ARID1A: variants seen among roughly 807,000 people sequenced by gnomAD.
ARID1A encodes AT-rich interactive domain-containing protein 1A.
A neutral mutation model predicts 212.6 loss-of-function variants in ARID1A; 20 were observed. That is an observed-to-expected ratio of 0.09 (90% CI 0.07 to 0.14). ARID1A has a LOEUF of 0.14. Among genes scored for constraint, ARID1A ranks in the 10% least tolerant of loss-of-function variants. ARID1A has a pLI of 1.00. For missense variants in ARID1A, 2,587 were observed against 3,059.0 expected (o/e 0.85, Z 3.64); for synonymous variants, 1,376 against 1,222.1 (o/e 1.13, Z -2.63).
chr1:26,736,094 G>A (rs2080726738), intron 4 of ARID1A, among the ~76,000 whole-genome samples: 1 of 152,066 alleles, frequency 6.6e-6, no homozygotes, highest in Admixed American at 6.6e-5. Context: ...GGAGGCCAAG[G>A]CGGGCAGATC....
chr1:26,774,274 C>T lies in ARID1A; in HGVS notation c.4102-55C>T, dbSNP rs2081112840. On this transcript the variant is annotated intron_variant, in intron 17 of 19. Coordinates refer to ENST00000324856, the MANE Select transcript of ARID1A (RefSeq NM_006015.6). This position sits in a 1 kb window ranked among gnomAD's most constrained non-coding sequence, Gnocchi z 5.6. ...TTGTAGCCATCTTGGCATCTGTGGG[C>T]TTTATGTCCCTGAGTGCAGAGTATT... The T allele has an allele frequency of 2.6e-6, 4 of 1,510,048 alleles. No homozygotes were observed. The highest frequency in any genetic ancestry group is 2.7e-6 in the Non-Finnish European group (3 of 1,130,710). The allele number at this position is 1,510,048 out of a possible 1,614,324, so 93.5% of individuals were successfully genotyped here.
chr1:26,760,476 T>C (rs1457891613), intron 4 of ARID1A, among the ~76,000 whole-genome samples: 1 of 152,034 alleles, frequency 6.6e-6, no homozygotes, highest in African/African-American at 2.4e-5. Context: ...TCACCTGAGG[T>C]CGGGAGTTCA....
At chr1:26,726,246 C>T (rs1471422698) in intron 1 of ARID1A, among the ~76,000 whole-genome samples, 5 of 148,798 alleles carry the variant, frequency 3.4e-5, no homozygotes, top group Middle Eastern at 3.6e-3. Context: ...GATCTCGGCT[C>T]GCTTCAGTCT....
chr1:26,773,370 C>A lies in ARID1A; in HGVS notation c.3740C>A (p.Ser1247Tyr). The A allele has an allele frequency of 6.2e-7, 1 of 1,606,242 alleles. No homozygotes were observed. Among genetic ancestry groups the A allele is most frequent in the South Asian group, 1.1e-5 (1 of 89,798 alleles). The part of the protein sequence containing the change: ...RKAPGSDPFM[S>Y]SGQGPNGGMG... ...GCTCCAGGGAGTGATCCCTTCATGT[C>A]CTCAGGGCAGGGCCCCAACGGCGGG... The change falls in exon 15 of 20, where the codon TCC becomes TAC. Residue 1247 changes from serine (S) to tyrosine (Y), a missense_variant. Physicochemically the swap from Ser to Tyr is moderately radical, Grantham distance 144 (BLOSUM62 -2). Coordinates refer to ENST00000324856, the MANE Select transcript of ARID1A (RefSeq NM_006015.6).
chr1:26,736,324 A>G (rs1391509865), intron 4 of ARID1A, among the ~76,000 whole-genome samples: 1 of 135,304 alleles, frequency 7.4e-6, no homozygotes, highest in Non-Finnish European at 1.6e-5. Flanking sequence ...CTCCATCTCA[A>G]AAAAAAAAAA....
chr1:26,757,726 G>C (rs980881047), intron 4 of ARID1A, among the ~76,000 whole-genome samples: 1 of 151,494 alleles, frequency 6.6e-6, no homozygotes, highest in African/African-American at 2.4e-5. Context: ...GGAATGCAGT[G>C]GTGCTATCTT....
At chr1:26,761,144 C>A (rs760452204) in intron 5 of ARID1A, 48 bp downstream of exon 5, 3 of 1,600,260 alleles carry the variant, frequency 1.9e-6, no homozygotes, top group South Asian at 2.2e-5. Flanking sequence ...TGACTGCCCC[C>A]AGTAATATTA....
intron 4 of ARID1A, among the ~76,000 whole-genome samples, chr1:26,747,866 T>C (rs1311926123): frequency 6.6e-6 from 1 of 151,880 alleles, no homozygotes; most frequent in Non-Finnish European, 1.5e-5. Context: ...AAACAAATAA[T>C]ATAGGTCAAT....
intron 4 of ARID1A, 118 bp from the exon 5 acceptor site, chr1:26,760,738 T>C: frequency 9.5e-7 from 1 of 1,051,850 alleles, no homozygotes; most frequent in South Asian, 1.8e-5. Flanking sequence ...CTAAAGAACG[T>C]GTGTGATGTA....
chr1:26,756,876 G>A (rs2080943341), intron 4 of ARID1A, among the ~76,000 whole-genome samples: 1 of 151,586 alleles, frequency 6.6e-6, no homozygotes, highest in Non-Finnish European at 1.5e-5. Context: ...CTAATTTTTT[G>A]TATTTTTAGT....
intron 10 of ARID1A, 135 bp from the exon 11 acceptor site, chr1:26,767,655 T>G: frequency 1.1e-6 from 1 of 907,376 alleles, no homozygotes; most frequent in Non-Finnish European, 1.6e-6. Flanking sequence ...TTCAACCTTA[T>G]GAAGGTAGGA....
In ARID1A at chr1:26,696,496, G is replaced by A. The variant is rs2124740127; in HGVS notation, c.93G>A (p.Gln31=). 4 of 1,237,500 alleles carry A rather than the reference G, an allele frequency of 3.2e-6. No individual in the cohort carries two copies. The highest frequency in any genetic ancestry group is 4.0e-6 in the Non-Finnish European group (4 of 992,664). 76.7% of individuals were successfully genotyped at this position (1,237,500 alleles called of 1,614,324 possible). The change falls in exon 1 of 20, where the codon CAG becomes CAA. Residue 31 remains glutamine, a synonymous_variant. Coordinates refer to ENST00000324856, the MANE Select transcript of ARID1A (RefSeq NM_006015.6). ...AGCTGAAGAAAGCCGAGCAGCAGCA[G>A]CGGGAGGAGGCGGGGGGCGAGGCGG... ...PSELKKAEQQ[Q]REEAGGEAAA...
chr1:26,702,659 A>G (rs1246503724), intron 1 of ARID1A, among the ~76,000 whole-genome samples: 4 of 152,202 alleles, frequency 2.6e-5, no homozygotes, highest in Non-Finnish European at 5.9e-5. Flanking sequence ...GGTGGAGTAA[A>G]ATAACATTGG....
intron 4 of ARID1A, among the ~76,000 whole-genome samples, chr1:26,735,141 G>GA (rs1491362735): frequency 1.1e-4 from 17 of 148,862 alleles, no homozygotes; most frequent in African/African-American, 3.7e-4. Context: ...TTTTTGGGGG[G>GA]AGAGAGAGTT....
At chr1:26,698,185 C>T (rs1032800466) in intron 1 of ARID1A, among the ~76,000 whole-genome samples, 1 of 152,246 alleles carries the variant, frequency 6.6e-6, no homozygotes, top group Admixed American at 6.5e-5. Flanking sequence ...GTAGTAAGTG[C>T]AGATTGCTTT....
chr1:26,763,589 G>T (rs2081012607), intron 8 of ARID1A, among the ~76,000 whole-genome samples: 1 of 152,200 alleles, frequency 6.6e-6, no homozygotes, highest in Non-Finnish European at 1.5e-5. Context: ...GATCAACATG[G>T]TGAAACCCCG....
In ARID1A at chr1:26,696,757, G is replaced by A. The variant is rs753842472; in HGVS notation, c.354G>A (p.Thr118=). The stretch of plus-strand genomic sequence containing the variant: ...GGCCCGCCCTGAACAATAACCTCAC[G>A]GAGCCGCCCGGCGGCGGCGGTGGCG... ...GPRPALNNNL[T]EPPGGGGGGS... The change falls in exon 1 of 20, where the codon ACG becomes ACA. Residue 118 remains threonine (T), a synonymous_variant. Transcript: ENST00000324856. 27 of 1,353,140 alleles carry A rather than the reference G, an allele frequency of 2.0e-5. 1 individual carries two copies. In the South Asian group the frequency reaches 4.4e-4, roughly 22 times the overall value. The allele number at this position is 1,353,140 out of a possible 1,614,324, so 83.8% of individuals were successfully genotyped here. A position where few individuals can be genotyped will look rare whatever the true frequency, so the allele number is the denominator to read the frequency against.
intron 1 of ARID1A, among the ~76,000 whole-genome samples, chr1:26,698,325 C>G (rs1175699247): frequency 6.6e-6 from 1 of 152,236 alleles, no homozygotes; most frequent in Admixed American, 6.5e-5. Context: ...ATAATTGCCT[C>G]TGATGTAATG....
In ARID1A at chr1:26,774,505, T is replaced by G; in HGVS notation, c.4278T>G (p.Asp1426Glu). Residue 1426 changes from aspartate (D) to glutamate (E), a missense_variant, in exon 18 of 20, where the codon GAT (aspartate) becomes GAG (glutamate). Physicochemically the swap from Asp to Glu is conservative, Grantham distance 45. Coordinates refer to ENST00000324856, the MANE Select transcript of ARID1A (RefSeq NM_006015.6). The surrounding 1 kb of genome is among the most constrained non-coding windows in gnomAD (Gnocchi z 5.6). The part of the protein sequence containing the change: ...QQAAQPSPQQ[D>E]VYNQYGNAYP... Reference sequence around the variant, plus strand: ...CTGCCCAGCCTTCCCCTCAGCAAGATGTATACAACCAGTATGGCAATGCCT... The same window carrying G: ...CTGCCCAGCCTTCCCCTCAGCAAGAGGTATACAACCAGTATGGCAATGCCT... 6.2e-7 allele frequency: 1 copy of G among 1,613,706 alleles called. No homozygotes were observed. The highest frequency in any genetic ancestry group is 1.1e-5 in the South Asian group (1 of 91,042).
Sources: gnomAD v4.1 joint callset for allele counts (sites outside exome capture counted in the v4.1 genomes callset) on GRCh38, gnomAD v4.1.1 for gene constraint, Gnocchi (gnomAD v3.1) non-coding constraint, MANE v1.5 for transcripts, NCBI Gene and HGNC (gene_info 2026-07-23, HGNC 2026-07-21) for gene names.